The following FAM167A variants were observed in gnomAD, a reference collection of about 807,000 sequenced individuals.
The protein encoded by FAM167A is family with sequence similarity 167 member A, also known as protein FAM167A.
Under a neutral mutation model 14.9 loss-of-function variants are expected in FAM167A, and 23 were observed. That is an observed-to-expected ratio of 1.55 (90% CI 1.11 to 2.19). The LOEUF is 2.19. Ranked by LOEUF, FAM167A falls within the 30% of genes most tolerant of loss-of-function variation. The pLI, the probability that FAM167A is intolerant of heterozygous loss-of-function variation, is 0.00. For missense variants in FAM167A, 401 were observed against 281.5 expected, an observed-to-expected ratio of 1.42 and a Z score of -3.04; for synonymous variants, 174 against 117.7, an observed-to-expected ratio of 1.48 and a Z score of -3.10.
rs1027072221 is a variant in FAM167A at position 11,422,576 on chromosome 8, C to T, written c.*1797G>A. Reference sequence around the variant, plus strand: ...CATGGCAGACAGTAGATCTTGGCTGCGTTGTTCTGCCTACTTTGAAGGAGG... The same window carrying T: ...CATGGCAGACAGTAGATCTTGGCTGTGTTGTTCTGCCTACTTTGAAGGAGG... On this transcript the variant is annotated 3_prime_UTR_variant, in exon 3 of 3. Transcript: ENST00000284486. 21 of 152,542 alleles carry T rather than the reference C, an allele frequency of 1.4e-4. No homozygotes were observed. The highest frequency in any genetic ancestry group is 5.1e-4 in the African/African-American group (21 of 41,430). The allele number at this position is 152,542 out of a possible 1,614,324, so 9.4% of individuals were successfully genotyped here. A position where few individuals can be genotyped will look rare whatever the true frequency, so the allele number is the denominator to read the frequency against.
chr8:11,423,990 TCTGC>T lies in FAM167A; in HGVS notation c.*379_*382del. 1 of 223,174 alleles carries T rather than the reference TCTGC, an allele frequency of 4.5e-6. No individual in the cohort carries two copies. The allele number at this position is 223,174 out of a possible 1,614,324, so 13.8% of individuals were successfully genotyped here. A position where few individuals can be genotyped will look rare whatever the true frequency, so the allele number is the denominator to read the frequency against. On this transcript the variant is annotated 3_prime_UTR_variant, in exon 3 of 3. Transcript: ENST00000284486. ...CCCCAAGGCCCTTGCGGGACAGCCT[TCTGC>T]AAAAATGACAGCTTTGTTGGGGGGC...
intron 1 of FAM167A, among the ~76,000 whole-genome samples, chr8:11,462,854 T>C (rs1807594344): frequency 6.6e-6 from 1 of 152,234 alleles, no homozygotes. Context: ...GCATTGGGCA[T>C]TTGATGATTA....
At chr8:11,458,905 A>T (rs550380731) in intron 1 of FAM167A, among the ~76,000 whole-genome samples, 4 of 152,366 alleles carry the variant, frequency 2.6e-5, no homozygotes, top group Non-Finnish European at 5.9e-5. Flanking sequence ...TTCTCTTGCC[A>T]TCAAGAGAGG....
rs555903902 is a variant in FAM167A at position 11,462,884 on chromosome 8, T to C, written c.-398+3742A>G. On this transcript the variant is annotated intron_variant, in intron 1 of 2. Coordinates refer to ENST00000284486, the MANE Select transcript of FAM167A (RefSeq NM_053279.3). ...TGATTAGCAAAGTAAATATTAGAAA[T>C]GCGTTCTCATTGGTAAAGACAGAGG... 5.9e-5 allele frequency among the ~76,000 whole-genome samples: 9 copies of C among 152,300 alleles called. No homozygotes were observed. In the East Asian group the frequency reaches 1.2e-3, roughly 20 times the overall value.
At chr8:11,462,458 C>T (rs1807579937) in intron 1 of FAM167A, among the ~76,000 whole-genome samples, 3 of 152,214 alleles carry the variant, frequency 2.0e-5, no homozygotes. Flanking sequence ...TCACCTCCTG[C>T]TCTTGACTGT....
chr8:11,463,833 G>A (rs747037440), intron 1 of FAM167A, among the ~76,000 whole-genome samples: 3 of 152,192 alleles, frequency 2.0e-5, no homozygotes, highest in Non-Finnish European at 4.4e-5. Flanking sequence ...TCACACTTAT[G>A]GGCACCCGAG....
In FAM167A at chr8:11,442,442, A is replaced by G. The variant is rs145523212; in HGVS notation, c.381+1589T>C. 7.2e-5 allele frequency among the ~76,000 whole-genome samples: 11 copies of G among 152,272 alleles called. No homozygotes were observed. The East Asian group carries it at 1.9e-3, about 27-fold the overall frequency. ...GACTAAAGGACGATAAGCAGGACAA[A>G]TTCTAGGAAACTCCATCCTAGTGGG... is the stretch of plus-strand genomic sequence containing the variant. On this transcript the variant is annotated intron_variant, in intron 2 of 2. Coordinates refer to ENST00000284486, the MANE Select transcript of FAM167A (RefSeq NM_053279.3).
In FAM167A at chr8:11,456,983, T is replaced by A. The variant is rs182964046; in HGVS notation, c.-398+9643A>T. ...GAAGTGGGCGGGGCTGGGTTAGGGATGTAGGTGGGGCTGGGTTAGGGAAGT... is the reference window on the plus strand; with the variant it reads ...GAAGTGGGCGGGGCTGGGTTAGGGAAGTAGGTGGGGCTGGGTTAGGGAAGT... On this transcript the variant is annotated intron_variant, in intron 1 of 2. Transcript: ENST00000284486. Among the ~76,000 whole-genome samples the A allele has an allele frequency of 9.9e-3, 232 of 23,438 alleles. 3 individuals carry two copies. The highest frequency in any genetic ancestry group is 0.019 in the Middle Eastern group (1 of 54). 15.4% of individuals were successfully genotyped at this position (23,438 alleles called of 152,430 possible). A position where few individuals can be genotyped will look rare whatever the true frequency, so the allele number is the denominator to read the frequency against.
upstream of FAM167A, among the ~76,000 whole-genome samples, chr8:11,470,715 A>G (rs1233295724): frequency 6.6e-6 from 1 of 152,138 alleles, no homozygotes; most frequent in Non-Finnish European, 1.5e-5. Context: ...GGGACAGAGG[A>G]CACTAAGGGT....
intron 1 of FAM167A, among the ~76,000 whole-genome samples, chr8:11,454,652 G>A (rs1406993306): frequency 6.6e-6 from 1 of 152,232 alleles, no homozygotes; most frequent in Non-Finnish European, 1.5e-5. Context: ...TTTGTTTTCT[G>A]AAAAGGCAAA....
intron 2 of FAM167A, among the ~76,000 whole-genome samples, chr8:11,436,511 C>G (rs1408151834): frequency 6.6e-6 from 1 of 152,184 alleles, no homozygotes; most frequent in African/African-American, 2.4e-5. Context: ...CTGGGCCAGT[C>G]GGCGGAGGGA....
At chr8:11,467,595 G>C (rs937376676), upstream of FAM167A, 1 of 152,412 alleles carries the variant, frequency 6.6e-6, no homozygotes, top group African/African-American at 2.4e-5. Flanking sequence ...CCATTCTCAC[G>C]ATAGCCCTGG....
In FAM167A at chr8:11,444,176, T is replaced by C; in HGVS notation, c.236A>G (p.Gln79Arg). 1 of 1,612,956 alleles carries C rather than the reference T, an allele frequency of 6.2e-7. No individual in the cohort carries two copies. The highest frequency in any genetic ancestry group is 8.5e-7 in the Non-Finnish European group (1 of 1,179,810). Reference protein sequence around the residue: ...ASLEEGERGGQEPLLPLREAG... With the variant: ...ASLEEGERGGREPLLPLREAG... The stretch of plus-strand genomic sequence containing the variant: ...CTCTCTCAGGGGGAGCAAGGGCTCC[T>C]GCCCCCCACGCTCCCCCTCCTCCAA... The change falls in exon 2 of 3, where the codon CAG (glutamine) becomes CGG (arginine). Residue 79 changes from glutamine (Q) to arginine (R), a missense_variant. Physicochemically the swap from Gln to Arg is conservative, Grantham distance 43. Transcript: ENST00000284486.
At chr8:11,462,393 G>A (rs1450154600) in intron 1 of FAM167A, among the ~76,000 whole-genome samples, 3 of 152,166 alleles carry the variant, frequency 2.0e-5, no homozygotes, top group African/African-American at 7.2e-5. Context: ...AGTCTTGGAA[G>A]GACCAAATGA....
In FAM167A at chr8:11,434,472, G is replaced by A. The variant is rs1420703296; in HGVS notation, c.381+9559C>T. Among the ~76,000 whole-genome samples the A allele has an allele frequency of 5.9e-5, 9 of 152,178 alleles. No individual in the cohort carries two copies. In the South Asian group the frequency reaches 1.9e-3, roughly 32 times the overall value. On this transcript the variant is annotated intron_variant, in intron 2 of 2. Coordinates refer to ENST00000284486, the MANE Select transcript of FAM167A (RefSeq NM_053279.3). ...GATCCTCCCTGCCAGGGGCTCCTGT[G>A]CCCCCTGGGGAATGGTGAGTTTGCT...
At chr8:11,444,976 T>C in intron 1 of FAM167A, 168 bp from the exon 2 acceptor site, 2 of 654,780 alleles carry the variant, frequency 3.1e-6, no homozygotes, top group African/African-American at 2.0e-5. Context: ...CTTAATTCAA[T>C]GCAGAGAAGT....
At chr8:11,459,773 G>A (rs1433973875) in intron 1 of FAM167A, among the ~76,000 whole-genome samples, 4 of 152,122 alleles carry the variant, frequency 2.6e-5, no homozygotes, top group African/African-American at 7.2e-5. Context: ...GGAATGCAGC[G>A]GCACGACCTC....
intron 2 of FAM167A, among the ~76,000 whole-genome samples, chr8:11,431,590 G>T (rs1042907330): frequency 6.6e-6 from 1 of 152,224 alleles, no homozygotes; most frequent in South Asian, 2.1e-4. Context: ...AGAGCAATCA[G>T]TTCAATCCAG....
At chr8:11,442,784 A>G (rs67350204) in intron 2 of FAM167A, among the ~76,000 whole-genome samples, 20,960 of 151,946 alleles carry the variant, frequency 0.14, 1,890 homozygotes, top group Non-Finnish European at 0.21. Context: ...CCGACAGCAC[A>G]TGCACCCTCT....
Sources: allele counts gnomAD v4.1 joint callset (sites outside exome capture counted in the v4.1 genomes callset), GRCh38; gene constraint gnomAD v4.1.1; transcripts MANE v1.5; gene names NCBI Gene and HGNC (gene_info 2026-07-23, HGNC 2026-07-21).